The following EYS variants were observed in gnomAD, a reference collection of about 807,000 sequenced individuals.
EYS encodes EGF-like photoreceptor maintenance factor, also known as protein eyes shut homolog.
Under a neutral mutation model 282.1 loss-of-function variants are expected in EYS, and 250 were observed. The observed-to-expected ratio is 0.89, with a 90% CI of 0.80 to 0.98. The LOEUF (loss-of-function observed/expected upper bound fraction) is 0.98, where lower values mean the gene tolerates loss of function less well. Among genes scored for constraint, EYS ranks in the 50% least tolerant of loss-of-function variants. The pLI is 0.00. For synonymous variants in EYS, 1,355 were observed against 1,282.9 expected, an observed-to-expected ratio of 1.06 and a Z score of -1.20; for missense variants, 4,016 against 3,709.0, an observed-to-expected ratio of 1.08 and a Z score of -2.15.
chr6:64,209,248 C>T (rs1765693879), intron 31 of EYS, among the ~76,000 whole-genome samples: 1 of 152,010 alleles, frequency 6.6e-6, no homozygotes, highest in Non-Finnish European at 1.5e-5. Context: ...CTCTATAATA[C>T]ATATTTTTCC....
intron 12 of EYS, among the ~76,000 whole-genome samples, chr6:65,077,395 A>T (rs1225230612): frequency 1.3e-5 from 2 of 152,116 alleles, no homozygotes; most frequent in Non-Finnish European, 2.9e-5. Flanking sequence ...GGTTGCATTA[A>T]CACTATGATT....
At chr6:64,958,962 G>A (rs1176291030) in intron 14 of EYS, among the ~76,000 whole-genome samples, 1 of 152,046 alleles carries the variant, frequency 6.6e-6, no homozygotes, top group Admixed American at 6.6e-5. Flanking sequence ...TGAATGACTT[G>A]TATATCTGTA....
chr6:64,990,696 C>T (rs1425619021), intron 14 of EYS, among the ~76,000 whole-genome samples: 1 of 151,562 alleles, frequency 6.6e-6, no homozygotes, highest in Non-Finnish European at 1.5e-5. Context: ...GAAGTTAATA[C>T]TGCTTCATGG....
At chr6:64,564,301 G>T (rs148115015) in intron 26 of EYS, among the ~76,000 whole-genome samples, 1,046 of 71,976 alleles carry the variant, frequency 0.015, 21 homozygotes, top group Middle Eastern at 0.052. Context: ...TTTTTGAGAC[G>T]GAGTTTCCCT....
intron 11 of EYS, among the ~76,000 whole-genome samples, chr6:65,326,785 G>T (rs1468102913): frequency 2.0e-5 from 3 of 151,110 alleles, no homozygotes; most frequent in African/African-American, 7.3e-5. Context: ...TTATTCCTTG[G>T]TGTTTTATCT....
rs367750793 is a variant in EYS, at chr6:64,421,827, C to CGA, written c.5927+14345_5927+14346dup. Among the ~76,000 whole-genome samples the CGA allele has an allele frequency of 4.6e-3, 656 of 143,736 alleles. 3 individuals carry two copies. Among genetic ancestry groups the CGA allele is most frequent in the Non-Finnish European group, 7.6e-3 (498 of 65,138 alleles). The allele number at this position is 143,736 out of a possible 152,430, so 94.3% of individuals were successfully genotyped here. On this transcript the variant is annotated intron_variant, in intron 28 of 42. Transcript: ENST00000503581. The stretch of plus-strand genomic sequence containing the variant: ...GAGGGAGCGAAGAAGAGAGAGAGAG[C>CGA]GAGAGAGAGAGAGCGCATTTTTTTG...
At chr6:65,194,277 T>C (rs1765712358) in intron 12 of EYS, among the ~76,000 whole-genome samples, 1 of 151,958 alleles carries the variant, frequency 6.6e-6, no homozygotes, top group Admixed American at 6.6e-5. Context: ...CTTTTGCTAG[T>C]GTATTCCATT....
intron 30 of EYS, among the ~76,000 whole-genome samples, chr6:64,267,020 TTAAA>T (rs1767782581): frequency 6.6e-6 from 1 of 152,194 alleles, no homozygotes; most frequent in Admixed American, 6.5e-5. Context: ...TGTGCATGCT[TTAAA>T]TATTCAACTT....
chr6:64,925,910 T>C (rs1768504016), intron 15 of EYS, among the ~76,000 whole-genome samples: 1 of 152,034 alleles, frequency 6.6e-6, no homozygotes, highest in Non-Finnish European at 1.5e-5. Context: ...AGTTCTCGGG[T>C]CCCTAGAATA....
intron 19 of EYS, among the ~76,000 whole-genome samples, chr6:64,853,573 C>G (rs1405751771): frequency 6.6e-6 from 1 of 151,994 alleles, no homozygotes; most frequent in Non-Finnish European, 1.5e-5. Context: ...GACAATTAAG[C>G]AAGAAAAATG....
intron 2 of EYS, among the ~76,000 whole-genome samples, chr6:65,500,105 T>G (rs1023100422): frequency 3.9e-5 from 6 of 152,036 alleles, no homozygotes; most frequent in African/African-American, 1.4e-4. Flanking sequence ...GGTGCATGTA[T>G]TGACCTGACT....
intron 24 of EYS, among the ~76,000 whole-genome samples, chr6:64,602,145 C>T (rs1486323387): frequency 1.3e-5 from 2 of 151,882 alleles, no homozygotes; most frequent in Non-Finnish European, 2.9e-5. Flanking sequence ...ATATGTCATT[C>T]CTGGTACATT....
At chr6:64,362,708 A>G (rs1772057550) in intron 29 of EYS, among the ~76,000 whole-genome samples, 1 of 151,752 alleles carries the variant, frequency 6.6e-6, no homozygotes, top group Non-Finnish European at 1.5e-5. Context: ...TATTTTTGGC[A>G]GTGTCAGTGT....
At chr6:65,374,950 C>T (rs544545735) in intron 8 of EYS, among the ~76,000 whole-genome samples, 2 of 152,240 alleles carry the variant, frequency 1.3e-5, no homozygotes, top group South Asian at 2.1e-4. Context: ...CGGCTGTGGT[C>T]GCAGCTTCAG....
intron 12 of EYS, among the ~76,000 whole-genome samples, chr6:65,216,801 T>C (rs890986021): frequency 6.6e-6 from 1 of 151,902 alleles, no homozygotes; most frequent in Non-Finnish European, 1.5e-5. Flanking sequence ...TATGTATACA[T>C]ATATTATACA....
intron 2 of EYS, among the ~76,000 whole-genome samples, chr6:65,576,163 C>T (rs354346): frequency 6.6e-6 from 1 of 151,680 alleles, no homozygotes; most frequent in Non-Finnish European, 1.5e-5. Flanking sequence ...AATGAACATA[C>T]GTGCAAATTC....
At chr6:65,193,414 A>T (rs1765688119) in intron 12 of EYS, among the ~76,000 whole-genome samples, 1 of 151,856 alleles carries the variant, frequency 6.6e-6, no homozygotes, top group Non-Finnish European at 1.5e-5. Flanking sequence ...ATATACCTAT[A>T]TAAGGGACAG....
intron 8 of EYS, among the ~76,000 whole-genome samples, chr6:65,359,264 T>C (rs1435534242): frequency 6.6e-6 from 1 of 152,068 alleles, no homozygotes; most frequent in African/African-American, 2.4e-5. Context: ...TTTTGCAGTA[T>C]CAAAGTTTTG....
chr6:64,795,447 A>G (rs1452609080), intron 22 of EYS, among the ~76,000 whole-genome samples: 1 of 152,142 alleles, frequency 6.6e-6, no homozygotes, highest in Non-Finnish European at 1.5e-5. Context: ...TGTTTTTAGT[A>G]GGATTATTTT....
Sources: gnomAD v4.1 joint callset for allele counts (sites outside exome capture counted in the v4.1 genomes callset) on GRCh38, gnomAD v4.1.1 for gene constraint, MANE v1.5 for transcripts, NCBI Gene and HGNC (gene_info 2026-07-23, HGNC 2026-07-21) for gene names.